The following IFT57 variants were observed in gnomAD, a reference collection of about 807,000 sequenced individuals.
The protein encoded by IFT57 is intraflagellar transport protein 57 homolog.
IFT57 carries 59 observed loss-of-function variants against 56.8 expected under a neutral mutation model. That is an observed-to-expected ratio of 1.04 (90% CI 0.84 to 1.29). The LOEUF (loss-of-function observed/expected upper bound fraction) is 1.29. Among genes scored for constraint, IFT57 ranks in the 50% most tolerant of loss-of-function variants. IFT57 has a pLI of 0.00. For missense variants in IFT57, 470 were observed against 522.1 expected (o/e 0.90, Z 0.97); for synonymous variants, 209 against 186.1 (o/e 1.12, Z -1.00).
intron 5 of IFT57, among the ~76,000 whole-genome samples, chr3:108,202,262 G>A (rs1349690): frequency 6.6e-6 from 1 of 152,152 alleles, no homozygotes; most frequent in East Asian, 1.9e-4. Context: ...CAAGGGTGAA[G>A]GGAGATACAA....
intron 6 of IFT57, among the ~76,000 whole-genome samples, chr3:108,176,280 T>C (rs142943410): frequency 9.2e-5 from 14 of 151,984 alleles, no homozygotes; most frequent in African/African-American, 3.4e-4. Context: ...TCATTTTCTC[T>C]AGAGATTTTC....
chr3:108,162,809 C>T (rs2080041083), intron 10 of IFT57, among the ~76,000 whole-genome samples, 154 bp from the exon 11 acceptor site: 1 of 152,078 alleles, frequency 6.6e-6, no homozygotes, highest in Non-Finnish European at 1.5e-5. Flanking sequence ...TTTGCTGTGG[C>T]ATTTTAAGCA....
chr3:108,211,413 A>G (rs760084028), intron 4 of IFT57, among the ~76,000 whole-genome samples: 1 of 152,224 alleles, frequency 6.6e-6, no homozygotes, highest in Admixed American at 6.5e-5. Flanking sequence ...TTCATGCCCA[A>G]AACAATCTGA....
intron 6 of IFT57, among the ~76,000 whole-genome samples, chr3:108,191,257 T>A (rs922034577): frequency 6.6e-6 from 1 of 152,138 alleles, no homozygotes; most frequent in African/African-American, 2.4e-5. Flanking sequence ...TCCCAGAAAA[T>A]CTTCTGAGAA....
intron 6 of IFT57, among the ~76,000 whole-genome samples, chr3:108,176,268 A>T (rs2080123554): frequency 1.3e-5 from 2 of 151,844 alleles, no homozygotes; most frequent in African/African-American, 4.8e-5. Flanking sequence ...TCAACACAGA[A>T]TTCATTTTCT....
At chr3:108,185,551 ATTTTTTTT>A (rs1179200943) in intron 6 of IFT57, among the ~76,000 whole-genome samples, 6 of 87,292 alleles carry the variant, frequency 6.9e-5, no homozygotes, top group Admixed American at 1.4e-4. Context: ...GAGCACTAGG[ATTTTTTTT>A]TTTTTTTTTT....
intron 4 of IFT57, among the ~76,000 whole-genome samples, chr3:108,213,105 G>T (rs2108326914): frequency 6.6e-6 from 1 of 152,132 alleles, no homozygotes; most frequent in Non-Finnish European, 1.5e-5. Flanking sequence ...TACTTTTAGT[G>T]TAAGAATACA....
chr3:108,219,484 G>C lies in IFT57; in HGVS notation c.301C>G (p.Pro101Ala). ...AAWLINKAGR[P>A]FEQPQEYDDP... ...TCATATTCTTGAGGCTGCTCAAAGG[G>C]ACGTCCCGCTTTATTAATCAACCAA... The change falls in exon 2 of 11, where the codon CCC becomes GCC. Residue 101 changes from proline (P) to alanine (A), a missense_variant. Transcript: ENST00000264538. 6.2e-7 allele frequency: 1 copy of C among 1,613,826 alleles called. No individual in the cohort carries two copies. Among genetic ancestry groups the C allele is most frequent in the South Asian group, 1.1e-5 (1 of 91,080 alleles).
intron 5 of IFT57, among the ~76,000 whole-genome samples, chr3:108,200,282 A>G (rs911377811): frequency 2.0e-5 from 3 of 152,198 alleles, no homozygotes; most frequent in African/African-American, 4.8e-5. Context: ...CTGTCATATA[A>G]TCCAGACAGG....
chr3:108,220,723 C>T (rs1461746876), intron 1 of IFT57, among the ~76,000 whole-genome samples: 2 of 152,118 alleles, frequency 1.3e-5, no homozygotes, highest in Non-Finnish European at 2.9e-5. Flanking sequence ...GATGCTAGGC[C>T]CCATCCCTAT....
Position 108,166,992 on chromosome 3 carries a change from A to G in IFT57, c.850-7T>C. 1 of 1,603,286 alleles carries G rather than the reference A, an allele frequency of 6.2e-7. No individual in the cohort carries two copies. Among genetic ancestry groups the G allele is most frequent in the East Asian group, 2.2e-5 (1 of 44,646 alleles). ...GGAGTTTGTCCAAAAATCCCTAGAA[A>G]TTCCATGGAATTTGCAGATAGAAGA... On this transcript the variant is annotated splice_polypyrimidine_tract_variant and splice_region_variant and intron_variant, in intron 7 of 10. Transcript: ENST00000264538.
Position 108,214,002 on chromosome 3 carries a change from C to T in IFT57, c.514G>A (p.Glu172Lys), listed in dbSNP as rs369917616. 3 of 1,600,694 alleles carry T rather than the reference C, an allele frequency of 1.9e-6. No individual in the cohort carries two copies. Among genetic ancestry groups the T allele is most frequent in the Non-Finnish European group, 1.7e-6 (2 of 1,168,436 alleles). The change falls in exon 4 of 11, where the codon GAA (glutamate) becomes AAA (lysine). Residue 172 changes from glutamate (E) to lysine (K), a missense_variant. By Grantham distance (56) the Glu-to-Lys change is moderately conservative. Transcript: ENST00000264538. ...TCTGCAACGCTTTCTTCTTCTAATTCTTCTACTGGGTATATTGGCCTAAAA... is the reference window on the plus strand; with the variant it reads ...TCTGCAACGCTTTCTTCTTCTAATTTTTCTACTGGGTATATTGGCCTAAAA... Reference protein sequence around the residue: ...TWKRPIYPVEELEEESVAEDD... With the variant: ...TWKRPIYPVEKLEEESVAEDD...
chr3:108,184,954 G>A lies in IFT57; in HGVS notation c.777+6567C>T, dbSNP rs1353688368. On this transcript the variant is annotated intron_variant, in intron 6 of 10. Transcript: ENST00000264538. ...GCTGGAAGTGCTTCCAAGAAGTAGC[G>A]AAAAGTCCTGACATTACAATAAAGA... Among the ~76,000 whole-genome samples the A allele has an allele frequency of 8.5e-5, 13 of 152,094 alleles. No individual in the cohort carries two copies. In the East Asian group the frequency reaches 2.1e-3, roughly 25 times the overall value.
At chr3:108,168,667 T>G (rs1201309886) in intron 6 of IFT57, among the ~76,000 whole-genome samples, 1 of 151,824 alleles carries the variant, frequency 6.6e-6, no homozygotes, top group Non-Finnish European at 1.5e-5. Flanking sequence ...CCAACAGGCC[T>G]GGGTGTGTGA....
intron 6 of IFT57, among the ~76,000 whole-genome samples, chr3:108,171,332 A>G (rs2080090937): frequency 6.6e-6 from 1 of 151,920 alleles, no homozygotes; most frequent in African/African-American, 2.4e-5. Context: ...ATAGAAGCCA[A>G]ATGTAGTAAT....
intron 6 of IFT57, among the ~76,000 whole-genome samples, chr3:108,171,885 C>T (rs1051421667): frequency 4.0e-5 from 6 of 151,830 alleles, no homozygotes; most frequent in African/African-American, 1.2e-4. Context: ...TACATTGCTT[C>T]CCTCTTCCTA....
chr3:108,205,959 A>G (rs867680410), intron 5 of IFT57, among the ~76,000 whole-genome samples: 2 of 57,108 alleles, frequency 3.5e-5, no homozygotes, highest in Non-Finnish European at 8.5e-5. Context: ...TAATATATAA[A>G]TATATTATAT....
intron 8 of IFT57, among the ~76,000 whole-genome samples, chr3:108,166,302 G>T (rs2080062652): frequency 6.6e-6 from 1 of 152,044 alleles, no homozygotes; most frequent in African/African-American, 2.4e-5. Flanking sequence ...CTGGGACAAA[G>T]AACTGGTGCT....
At chr3:108,172,190 T>G (rs1392289450) in intron 6 of IFT57, among the ~76,000 whole-genome samples, 1 of 151,736 alleles carries the variant, frequency 6.6e-6, no homozygotes, top group Non-Finnish European at 1.5e-5. Context: ...GAAGCATGAG[T>G]AGCATTTCAA....
Sources: allele counts gnomAD v4.1 joint callset (sites outside exome capture counted in the v4.1 genomes callset), GRCh38; gene constraint gnomAD v4.1.1; transcripts MANE v1.5; gene names NCBI Gene and HGNC (gene_info 2026-07-23, HGNC 2026-07-21).